The following LAMA3 variants were observed in gnomAD, a reference collection of about 807,000 sequenced individuals.
The protein encoded by LAMA3 is laminin subunit alpha 3.
Under a neutral mutation model 402.0 loss-of-function variants are expected in LAMA3, and 281 were observed. The ratio of observed to expected loss-of-function variants is 0.70; its 90% CI spans 0.63 to 0.77. LAMA3 has a LOEUF of 0.77. LAMA3 is among the 30% of genes least tolerant of loss of function. The pLI, the probability that LAMA3 is intolerant of heterozygous loss-of-function variation, is 0.00. For missense variants in LAMA3, 3,840 were observed against 4,215.5 expected (o/e 0.91, Z 2.47); for synonymous variants, 1,431 against 1,558.4 (o/e 0.92, Z 1.93).
rs1452330222 is a variant in LAMA3 at position 23,915,106 on chromosome 18, C to T, written c.7645-183C>T. 3.9e-5 allele frequency among the ~76,000 whole-genome samples: 6 copies of T among 152,170 alleles called. No individual in the cohort carries two copies. In the South Asian group the frequency reaches 8.3e-4, roughly 21 times the overall value. The stretch of plus-strand genomic sequence containing the variant: ...TTTACAGATGAGGAAACAGAGACAG[C>T]GAGGTGTAATAACTTGCCCACAGTC... On this transcript the variant is annotated intron_variant, in intron 58 of 74. Transcript: ENST00000313654.
intron 32 of LAMA3, among the ~76,000 whole-genome samples, chr18:23,849,809 T>A (rs1220009767): frequency 6.6e-6 from 1 of 152,226 alleles, no homozygotes; most frequent in Non-Finnish European, 1.5e-5. Flanking sequence ...TAAACCAAGA[T>A]GTAAAACTGT....
intron 1 of LAMA3, among the ~76,000 whole-genome samples, chr18:23,711,821 A>G (rs2060995474): frequency 6.6e-6 from 1 of 152,222 alleles, no homozygotes; most frequent in Admixed American, 6.5e-5. Flanking sequence ...TTACTTTGAA[A>G]TTGAGAATCA....
intron 8 of LAMA3, among the ~76,000 whole-genome samples, chr18:23,767,832 C>G (rs71360530): frequency 0.049 from 7,508 of 152,004 alleles, 262 homozygotes; most frequent in Non-Finnish European, 0.071. Context: ...TTCAGCCTCC[C>G]GAAGTGCTGG....
rs373774488 is a variant in LAMA3, at chr18:23,867,646, C to T, written c.4684-188C>T. On this transcript the variant is annotated intron_variant, in intron 36 of 74. Coordinates refer to ENST00000313654, the MANE Select transcript of LAMA3 (RefSeq NM_198129.4). ...TCCTGATTTCCTATTTGTGAAAAGACACTGTGTTACTTATAATTATTCTGT... is the reference window on the plus strand; with the variant it reads ...TCCTGATTTCCTATTTGTGAAAAGATACTGTGTTACTTATAATTATTCTGT... 1.8e-4 allele frequency among the ~76,000 whole-genome samples: 28 copies of T among 151,730 alleles called. No individual in the cohort carries two copies. The South Asian group carries it at 5.6e-3, about 30-fold the overall frequency.
intron 1 of LAMA3, among the ~76,000 whole-genome samples, chr18:23,696,582 C>T (rs1346702434): frequency 2.0e-5 from 3 of 152,072 alleles, no homozygotes; most frequent in African/African-American, 7.2e-5. Context: ...CTCACTGCAA[C>T]CTCTGCCTCC....
At chr18:23,917,048 G>T (rs1339202745) in intron 60 of LAMA3, among the ~76,000 whole-genome samples, 2 of 151,950 alleles carry the variant, frequency 1.3e-5, no homozygotes, top group Non-Finnish European at 2.9e-5. Flanking sequence ...AGGCCCCAGG[G>T]TCTGTTGTTC....
At chr18:23,874,866 T>C (rs936649808) in intron 38 of LAMA3, among the ~76,000 whole-genome samples, 18 of 152,308 alleles carry the variant, frequency 1.2e-4, no homozygotes, top group African/African-American at 4.3e-4. Flanking sequence ...ATATCTGATT[T>C]TGTTTATTTA....
intron 12 of LAMA3, among the ~76,000 whole-genome samples, chr18:23,793,646 T>C (rs1159553618): frequency 6.6e-6 from 1 of 152,056 alleles, no homozygotes; most frequent in Non-Finnish European, 1.5e-5. Context: ...GTGTTTTTCC[T>C]CTACTCTCAT....
At chr18:23,859,793 T>C (rs2064171616) in intron 34 of LAMA3, among the ~76,000 whole-genome samples, 2 of 152,192 alleles carry the variant, frequency 1.3e-5, no homozygotes, top group South Asian at 4.1e-4. Context: ...GATTAAATCA[T>C]TAGCTATTGA....
intron 6 of LAMA3, among the ~76,000 whole-genome samples, chr18:23,754,118 T>C (rs1432760862): frequency 1.3e-5 from 2 of 152,126 alleles, no homozygotes; most frequent in African/African-American, 4.8e-5. Flanking sequence ...GCAAGAGAAA[T>C]AAAACTTGTC....
intron 64 of LAMA3, among the ~76,000 whole-genome samples, chr18:23,930,764 A>G (rs1375931791): frequency 6.6e-6 from 1 of 152,194 alleles, no homozygotes; most frequent in Non-Finnish European, 1.5e-5. Flanking sequence ...AAATTTAGAA[A>G]TGATTTAACT....
intron 64 of LAMA3, among the ~76,000 whole-genome samples, chr18:23,930,429 A>C (rs1472072691): frequency 2.6e-5 from 4 of 152,204 alleles, no homozygotes; most frequent in African/African-American, 9.6e-5. Context: ...CGATAGAAAT[A>C]ACTTCAGCCA....
intron 11 of LAMA3, among the ~76,000 whole-genome samples, chr18:23,780,531 A>G (rs1385490615): frequency 1.3e-5 from 2 of 152,102 alleles, no homozygotes; most frequent in Non-Finnish European, 2.9e-5. Context: ...AGGCTGAAGC[A>G]TGGGATAGAG....
At position 23,814,479 on chromosome 18, in the gene LAMA3, A is replaced by C. The variant is rs770143274; in HGVS notation, c.1865A>C (p.Lys622Thr). 1 of 1,613,076 alleles carries C rather than the reference A, an allele frequency of 6.2e-7. No individual in the cohort carries two copies. The highest frequency in any genetic ancestry group is 1.1e-5 in the South Asian group (1 of 91,064). ...RCKLLYWNLD[K>T]ENPSGCSECK... ...AAACTGTTATATTGGAATCTGGACA[A>C]AGAAAACCCCAGTGGATGTTCAGGT... The change falls in exon 15 of 75, where the codon AAA (lysine) becomes ACA (threonine). Residue 622 changes from lysine to threonine, a missense_variant. Physicochemically the swap from Lys to Thr is moderately conservative, Grantham distance 78. Around this residue, in one of 3 missense-constraint regions of LAMA3, gnomAD observed 2,109 missense variants for 2,376.0 expected, o/e 0.89. Coordinates refer to ENST00000313654, the MANE Select transcript of LAMA3 (RefSeq NM_198129.4).
chr18:23,887,418 G>T (rs1210832791), intron 41 of LAMA3, among the ~76,000 whole-genome samples: 4 of 152,160 alleles, frequency 2.6e-5, no homozygotes, highest in Non-Finnish European at 4.4e-5. Flanking sequence ...AAACAATGAA[G>T]CATTAAACAG....
chr18:23,950,164 G>GT lies in LAMA3; in HGVS notation c.9642+6dup. 6.2e-7 allele frequency: 1 copy of GT among 1,613,996 alleles called. No homozygotes were observed. The highest frequency in any genetic ancestry group is 2.2e-5 in the East Asian group (1 of 44,872). ...GTTTACCTGGAGGCAGGAAAGGTGT[G>GT]TAGCAGTCTGATGCCATGGGGAGGG... is the stretch of plus-strand genomic sequence containing the variant. On this transcript the variant is annotated splice_donor_region_variant and intron_variant, in intron 72 of 74. Coordinates refer to ENST00000313654, the MANE Select transcript of LAMA3 (RefSeq NM_198129.4).
At chr18:23,939,096 C>T in intron 67 of LAMA3, 127 bp from the exon 68 acceptor site, 1 of 977,256 alleles carries the variant, frequency 1.0e-6, no homozygotes, top group Non-Finnish European at 1.6e-6. Flanking sequence ...CTCCATGGTA[C>T]CAGGCCTTCT....
At chr18:23,851,290 G>A (rs1214409149) in intron 32 of LAMA3, among the ~76,000 whole-genome samples, 7 of 152,168 alleles carry the variant, frequency 4.6e-5, no homozygotes, top group East Asian at 1.9e-4. Flanking sequence ...GTCGTCCTTC[G>A]TCTCCTGTAA....
intron 62 of LAMA3, among the ~76,000 whole-genome samples, chr18:23,926,490 A>T (rs1043962497): frequency 2.0e-5 from 3 of 152,266 alleles, no homozygotes; most frequent in Admixed American, 2.0e-4. Flanking sequence ...AATTAGGCTT[A>T]TACTGTAATG....
Sources: gnomAD v4.1 joint callset for allele counts (sites outside exome capture counted in the v4.1 genomes callset) on GRCh38, gnomAD v4.1.1 for gene constraint, gnomAD v4.1.1 regional missense constraint, MANE v1.5 for transcripts, NCBI Gene and HGNC (gene_info 2026-07-23, HGNC 2026-07-21) for gene names.